RIPPLY1: variants seen among roughly 807,000 people sequenced by gnomAD.
The protein encoded by RIPPLY1 is protein ripply1.
A neutral mutation model predicts 8.7 loss-of-function variants in RIPPLY1; 10 were observed. That is an observed-to-expected ratio of 1.15 (90% CI 0.71 to 1.94). The LOEUF (loss-of-function observed/expected upper bound fraction) is 1.94. Ranked by LOEUF, RIPPLY1 falls within the 30% of genes most tolerant of loss-of-function variation. The pLI is 0.00. For missense variants in RIPPLY1, 118 were observed against 108.7 expected, an observed-to-expected ratio of 1.09 and a Z score of -0.38; for synonymous variants, 54 against 44.8, an observed-to-expected ratio of 1.20 and a Z score of -0.82.
In RIPPLY1 at chrX:106,903,144, A is replaced by C; in HGVS notation, c.144T>G (p.Asn48Lys). 8.3e-7 allele frequency: 1 copy of C among 1,210,919 alleles called. No individual in the cohort carries two copies. Among genetic ancestry groups the C allele is most frequent in the Non-Finnish European group, 1.1e-6 (1 of 895,104 alleles). Residue 48 changes from asparagine (N) to lysine (K), a missense_variant, in exon 1 of 4, where the codon AAT becomes AAG. Transcript: ENST00000276173. ...SCLLSSGQEV[N>K]GSERGTCLWR... The stretch of plus-strand genomic sequence containing the variant: ...TAAGCTCAACTTACCTTTCACTCCC[A>C]TTTACTTCTTGTCCAGAGGAGAGAA...
At chrX:106,902,445 T>G (rs1019056871) in intron 1 of RIPPLY1, among the ~76,000 whole-genome samples, 1 of 112,418 alleles carries the variant, frequency 8.9e-6, no homozygotes, top group African/African-American at 3.2e-5. Context: ...GTCTTTGGGC[T>G]TCTTAAGCTC....
At chrX:106,902,255 C>T in intron 1 of RIPPLY1, 40 bp from the exon 2 acceptor site, 1 of 1,079,451 alleles carries the variant, frequency 9.3e-7, no homozygotes, top group Non-Finnish European at 1.3e-6. Context: ...GAGGAAGAGA[C>T]TGAAAGGTGG....
At position 106,903,196 on chromosome X, in the gene RIPPLY1, A is replaced by G; in HGVS notation, c.92T>C (p.Leu31Pro). The G allele has an allele frequency of 8.3e-7, 1 of 1,211,114 alleles. No individual in the cohort carries two copies. Among genetic ancestry groups the G allele is most frequent in the Middle Eastern group, 2.3e-4 (1 of 4,289 alleles). The change falls in exon 1 of 4, where the codon CTC becomes CCC. Residue 31 changes from leucine (L) to proline (P), a missense_variant. Physicochemically the swap from Leu to Pro is moderately conservative, Grantham distance 98. Transcript: ENST00000276173. ...APDLAQAPLA[L>P]PGLLSPSCLL... Reference sequence around the variant, plus strand: ...GCAAGATGGGCTTAACAGGCCAGGGAGTGCCAGTGGGGCTTGTGCTAGGTC... The same window carrying G: ...GCAAGATGGGCTTAACAGGCCAGGGGGTGCCAGTGGGGCTTGTGCTAGGTC...
At chrX:106,902,564 T>C (rs1257946756) in intron 1 of RIPPLY1, among the ~76,000 whole-genome samples, 5 of 111,303 alleles carry the variant, frequency 4.5e-5, no homozygotes, top group African/African-American at 1.6e-4. Context: ...GAGTAATGAG[T>C]GGGGGCTAGA....
intron 2 of RIPPLY1, among the ~76,000 whole-genome samples, 194 bp downstream of exon 2, chrX:106,901,946 G>C (rs762195226): frequency 8.9e-6 from 1 of 112,085 alleles, no homozygotes; most frequent in Admixed American, 9.4e-5. Flanking sequence ...CTGAGCTTTG[G>C]TCTCCTCATC....
In RIPPLY1 at chrX:106,903,235, A is replaced by C; in HGVS notation, c.53T>G (p.Leu18Trp). 1 of 1,210,405 alleles carries C rather than the reference A, an allele frequency of 8.3e-7. No individual in the cohort carries two copies. The highest frequency in any genetic ancestry group is 1.8e-5 in the South Asian group (1 of 56,732). Residue 18 changes from leucine to tryptophan, a missense_variant, in exon 1 of 4, where the codon TTG (leucine) becomes TGG (tryptophan). Leu to Trp is a moderately conservative substitution (Grantham distance 61, BLOSUM62 -2). Transcript: ENST00000276173. ...AAATPVPALA[L>W]ALAPDLAQAP... The stretch of plus-strand genomic sequence containing the variant: ...TTGTGCTAGGTCTGGAGCTAGGGCC[A>C]AAGCCAGGGCTGGAACAGGGGTGGC...
chrX:106,900,652 G>A lies in RIPPLY1; in HGVS notation c.*97C>T. 1 of 1,076,409 alleles carries A rather than the reference G, an allele frequency of 9.3e-7. No individual in the cohort carries two copies. Among genetic ancestry groups the A allele is most frequent in the Non-Finnish European group, 1.2e-6 (1 of 827,999 alleles). The allele number at this position is 1,076,409 out of a possible 1,213,427, so 88.7% of individuals were successfully genotyped here. The stretch of plus-strand genomic sequence containing the variant: ...ATCAGACTCTGGCTGCCTCCATTTG[G>A]ATAGGTTAGGGGTGAGGAAGGGGGA... On this transcript the variant is annotated 3_prime_UTR_variant, in exon 4 of 4. Coordinates refer to ENST00000276173, the MANE Select transcript of RIPPLY1 (RefSeq NM_138382.3).
rs1489236716 is a variant in RIPPLY1 at position 106,902,234 on chromosome X, A to T, written c.156-19T>A. 1 of 1,137,821 alleles carries T rather than the reference A, an allele frequency of 8.8e-7. No individual in the cohort carries two copies. The highest frequency in any genetic ancestry group is 3.2e-5 in the East Asian group (1 of 31,043). The allele number at this position is 1,137,821 out of a possible 1,213,427, so 93.8% of individuals were successfully genotyped here. A position where few individuals can be genotyped will look rare whatever the true frequency, so the allele number is the denominator to read the frequency against. On this transcript the variant is annotated intron_variant, in intron 1 of 3. Coordinates refer to ENST00000276173, the MANE Select transcript of RIPPLY1 (RefSeq NM_138382.3). ...AGTTCCTCTGGGACAAAGAGGAGAG[A>T]TCAATCCGTAGAGGAAGAGACTGAA... is the stretch of plus-strand genomic sequence containing the variant.
chrX:106,902,127 G>A lies in RIPPLY1; in HGVS notation c.231+13C>T, dbSNP rs779486237. 8.4e-7 allele frequency: 1 copy of A among 1,186,573 alleles called. No individual in the cohort carries two copies. The highest frequency in any genetic ancestry group is 2.3e-5 in the Admixed American group (1 of 43,426). The stretch of plus-strand genomic sequence containing the variant: ...GCTGCATGTGAACACACGTCACAAG[G>A]GCTCGAACTCACCAAATCCACCAGC... On this transcript the variant is annotated intron_variant, in intron 2 of 3. Transcript: ENST00000276173.
Position 106,900,964 on chromosome X carries a change from A to T in RIPPLY1, c.297-56T>A, listed in dbSNP as rs746732015. 36 of 1,152,176 alleles carry T rather than the reference A, an allele frequency of 3.1e-5. No homozygotes were observed. In the East Asian group the frequency reaches 1.1e-3, roughly 35 times the overall value. 95.0% of individuals were successfully genotyped at this position (1,152,176 alleles called of 1,213,427 possible). A position where few individuals can be genotyped will look rare whatever the true frequency, so the allele number is the denominator to read the frequency against. On this transcript the variant is annotated intron_variant, in intron 3 of 3. Coordinates refer to ENST00000276173, the MANE Select transcript of RIPPLY1 (RefSeq NM_138382.3). ...CAGGTGTCATATGTGCAGAGGGGCC[A>T]GTAGGGCCAAGAAAGAAGCTGGCCC... is the stretch of plus-strand genomic sequence containing the variant.
rs1011707010 is a variant in RIPPLY1, at chrX:106,901,092, G to A, written c.297-184C>T. Among the ~76,000 whole-genome samples the A allele has an allele frequency of 2.7e-5, 3 of 112,341 alleles. No individual in the cohort carries two copies. In the Admixed American group the frequency reaches 2.8e-4, roughly 11 times the overall value. Reference sequence around the variant, plus strand: ...ATTGTTACAAAGTGGCCCCACGCAGGAAGGTAAACCCTTATGGACCTATAG... The same window carrying A: ...ATTGTTACAAAGTGGCCCCACGCAGAAAGGTAAACCCTTATGGACCTATAG... On this transcript the variant is annotated intron_variant, in intron 3 of 3. Coordinates refer to ENST00000276173, the MANE Select transcript of RIPPLY1 (RefSeq NM_138382.3).
intron 2 of RIPPLY1, 76 bp downstream of exon 2, chrX:106,902,064 C>T: frequency 2.3e-6 from 2 of 872,951 alleles, no homozygotes; most frequent in East Asian, 3.4e-5. Context: ...AGGTCAGGGG[C>T]TCTCTGGGAA....
chrX:106,902,241 C>T (rs1481411147), intron 1 of RIPPLY1, 26 bp from the exon 2 acceptor site: 2 of 1,129,992 alleles, frequency 1.8e-6, no homozygotes, highest in African/African-American at 1.8e-5. Context: ...GAGATCAATC[C>T]GTAGAGGAAG....
rs2147784903 is a variant in RIPPLY1 at position 106,900,595 on chromosome X, CTG to C, written c.*152_*153del. The C allele has an allele frequency of 1.0e-6, 1 of 967,856 alleles. No homozygotes were observed. Among genetic ancestry groups the C allele is most frequent in the East Asian group, 3.5e-5 (1 of 28,754 alleles). 79.8% of individuals were successfully genotyped at this position (967,856 alleles called of 1,213,427 possible). A position where few individuals can be genotyped will look rare whatever the true frequency, so the allele number is the denominator to read the frequency against. ...ACTAATACTTCCGGCTAACTGATGT[CTG>C]TGAAAACTTGCCAGACAAACTGAAC... On this transcript the variant is annotated 3_prime_UTR_variant, in exon 4 of 4. Transcript: ENST00000276173.
rs775849540 is a variant in RIPPLY1, at chrX:106,903,271, C to G, written c.17G>C (p.Cys6Ser). Residue 6 changes from cysteine (C) to serine (S), a missense_variant, in exon 1 of 4, where the codon TGT (cysteine) becomes TCT (serine). Cys to Ser is a moderately radical substitution (Grantham distance 112). Coordinates refer to ENST00000276173, the MANE Select transcript of RIPPLY1 (RefSeq NM_138382.3). MDSAA[C>S]AAAATPVPAL... Reference sequence around the variant, plus strand: ...TGGAACAGGGGTGGCAGCAGCAGCACAGGCAGCAGAGTCCATTCTTAGGGG... The same window carrying G: ...TGGAACAGGGGTGGCAGCAGCAGCAGAGGCAGCAGAGTCCATTCTTAGGGG... 8.3e-7 allele frequency: 1 copy of G among 1,205,221 alleles called. No homozygotes were observed. The highest frequency in any genetic ancestry group is 1.1e-6 in the Non-Finnish European group (1 of 891,729).
At chrX:106,901,734 T>G (rs959708386) in intron 2 of RIPPLY1, among the ~76,000 whole-genome samples, 196 bp from the exon 3 acceptor site, 1 of 110,899 alleles carries the variant, frequency 9.0e-6, no homozygotes, top group Admixed American at 9.5e-5. Context: ...GCAGACAGAG[T>G]CCTGCGGGTT....
At position 106,901,597 on chromosome X, in the gene RIPPLY1, C is replaced by T. The variant is rs144879961; in HGVS notation, c.232-59G>A. ...GTACATGGCTAGATAACTTCCTCCT[C>T]TGTACTAGAGGTCAGAAAGCTGCAG... On this transcript the variant is annotated intron_variant, in intron 2 of 3. Transcript: ENST00000276173. 2.8e-3 allele frequency: 3,120 copies of T among 1,109,861 alleles called. 51 individuals carry two copies. In the African/African-American group the frequency reaches 0.049, roughly 17 times the overall value. The allele number at this position is 1,109,861 out of a possible 1,213,427, so 91.5% of individuals were successfully genotyped here.
In RIPPLY1 at chrX:106,901,284, C is replaced by T. The variant is rs760877137; in HGVS notation, c.296+190G>A. On this transcript the variant is annotated intron_variant, in intron 3 of 3. Transcript: ENST00000276173. Reference sequence around the variant, plus strand: ...TCCATGGGGGATCATTCTTGGGCATCGTTAACAATGCCTCTAGAAAAGACA... The same window carrying T: ...TCCATGGGGGATCATTCTTGGGCATTGTTAACAATGCCTCTAGAAAAGACA... Among the ~76,000 whole-genome samples the T allele has an allele frequency of 2.7e-5, 3 of 112,012 alleles. No individual in the cohort carries two copies. In the East Asian group the frequency reaches 8.5e-4, roughly 32 times the overall value.
At chrX:106,901,262 A>G (rs1324781867) in intron 3 of RIPPLY1, among the ~76,000 whole-genome samples, 2 of 111,924 alleles carry the variant, frequency 1.8e-5, no homozygotes, top group African/African-American at 3.3e-5. Context: ...TGACCCATCC[A>G]TGGGGGATCA....
Sources: allele counts gnomAD v4.1 joint callset (sites outside exome capture counted in the v4.1 genomes callset), GRCh38; gene constraint gnomAD v4.1.1; transcripts MANE v1.5; gene names NCBI Gene and HGNC (gene_info 2026-07-23, HGNC 2026-07-21).